Variants in ZDHHC15 observed in about 807,000 individuals in gnomAD.
ZDHHC15 encodes the protein palmitoyltransferase ZDHHC15.
ZDHHC15 carries 19 observed loss-of-function variants against 31.7 expected under a neutral mutation model. That is an observed-to-expected ratio of 0.60 (90% CI 0.42 to 0.88). The LOEUF (loss-of-function observed/expected upper bound fraction) is 0.88. ZDHHC15 is among the 40% of genes least tolerant of loss of function. The pLI, the probability that ZDHHC15 is intolerant of heterozygous loss-of-function variation, is 0.00. For missense variants in ZDHHC15, 209 were observed against 251.2 expected (o/e 0.83, Z 1.14); for synonymous variants, 103 against 90.0 (o/e 1.14, Z -0.82).
chrX:75,387,450 T>C (rs1311340627), intron 10 of ZDHHC15, among the ~76,000 whole-genome samples: 3 of 111,165 alleles, frequency 2.7e-5, no homozygotes, highest in Non-Finnish European at 5.7e-5. Flanking sequence ...CAGAAATTTA[T>C]CAGAAATAGT....
rs2083004740 is a variant in ZDHHC15 at position 75,371,387 on chromosome X, T to A, written c.*1591A>T. ...TCACTAGCCCTAATAAGTGTAGTCATGTCTAGTATTCTCTCAAATGTAATG... is the reference window on the plus strand; with the variant it reads ...TCACTAGCCCTAATAAGTGTAGTCAAGTCTAGTATTCTCTCAAATGTAATG... On this transcript the variant is annotated 3_prime_UTR_variant, in exon 12 of 12. Transcript: ENST00000373367. 8.9e-6 allele frequency: 1 copy of A among 111,868 alleles called. No individual in the cohort carries two copies. The highest frequency in any genetic ancestry group is 9.5e-5 in the Admixed American group (1 of 10,515). 9.2% of individuals were successfully genotyped at this position (111,868 alleles called of 1,213,427 possible).
intron 3 of ZDHHC15, among the ~76,000 whole-genome samples, chrX:75,473,172 G>A (rs927872360): frequency 4.5e-5 from 5 of 111,804 alleles, no homozygotes; most frequent in African/African-American, 1.3e-4. Context: ...CTATCATCCC[G>A]AAGCAGCTGG....
intron 3 of ZDHHC15, among the ~76,000 whole-genome samples, chrX:75,453,999 C>A (rs1353756266): frequency 2.7e-5 from 3 of 111,718 alleles, no homozygotes; most frequent in Non-Finnish European, 5.6e-5. Flanking sequence ...TGCCCTCTCT[C>A]ACCACTCCTA....
rs1181266434 is a variant in ZDHHC15 at position 75,474,609 on chromosome X, CAGTT to C, written c.258+4278_258+4281del. On this transcript the variant is annotated intron_variant, in intron 3 of 11. Coordinates refer to ENST00000373367, the MANE Select transcript of ZDHHC15 (RefSeq NM_144969.3). ...ACACACACACACACACACACACACA[CAGTT>C]AGTTCTGTCCGTCTAGAGAACCCTG... is the stretch of plus-strand genomic sequence containing the variant. Among the ~76,000 whole-genome samples the C allele has an allele frequency of 5.1e-4, 53 of 104,433 alleles. 1 individual carries two copies. Among genetic ancestry groups the C allele is most frequent in the African/African-American group, 1.7e-3 (49 of 28,892 alleles). 90.7% of individuals were successfully genotyped at this position (104,433 alleles called of 115,157 possible).
chrX:75,463,620 AG>A (rs2147942288), intron 3 of ZDHHC15, among the ~76,000 whole-genome samples: 1 of 111,172 alleles, frequency 9.0e-6, no homozygotes, highest in African/African-American at 3.3e-5. Flanking sequence ...ACCCATCAAA[AG>A]GTGGGCGAAG....
At chrX:75,474,573 T>TACACACAC (rs375925139) in intron 3 of ZDHHC15, among the ~76,000 whole-genome samples, 5,235 of 64,131 alleles carry the variant, frequency 0.082, 315 homozygotes, top group East Asian at 0.28. Flanking sequence ...ATCCCCTTTA[T>TACACACAC]ACACACACAC....
chrX:75,431,578 A>G (rs1270564287), intron 4 of ZDHHC15, 58 bp from the exon 5 acceptor site: 1 of 1,026,560 alleles, frequency 9.7e-7, no homozygotes, highest in Non-Finnish European at 1.3e-6. Context: ...AAGACCTTAT[A>G]TCTTACTAGC....
chrX:75,463,049 T>A (rs1165703334), intron 3 of ZDHHC15, among the ~76,000 whole-genome samples: 1 of 110,107 alleles, frequency 9.1e-6, no homozygotes, highest in Non-Finnish European at 1.9e-5. Flanking sequence ...GAGAGAAGAA[T>A]CAAATAAACA....
intron 10 of ZDHHC15, among the ~76,000 whole-genome samples, chrX:75,382,290 C>A (rs780472336): frequency 8.9e-6 from 1 of 112,159 alleles, no homozygotes; most frequent in Non-Finnish European, 1.9e-5. Flanking sequence ...CAGGAACACA[C>A]ACCAATTTAG....
intron 4 of ZDHHC15, among the ~76,000 whole-genome samples, chrX:75,444,646 A>G (rs1236264134): frequency 8.8e-4 from 2 of 2,277 alleles, no homozygotes; most frequent in African/African-American, 1.1e-3. Context: ...CACTGTATAT[A>G]TATATATATA....
intron 10 of ZDHHC15, among the ~76,000 whole-genome samples, chrX:75,388,695 C>G (rs1210541822): frequency 2.6e-4 from 29 of 111,283 alleles, no homozygotes; most frequent in African/African-American, 3.3e-5. Flanking sequence ...AACCAGAAAA[C>G]AAGCAAAAAA....
Position 75,385,608 on chromosome X carries a change from T to A in ZDHHC15, c.968-6410A>T, listed in dbSNP as rs185242916. ...TCTCTTATTTTAATGAGTTCCCATC[T>A]ATTCCCTTACTGCCCAAAATTTCTA... On this transcript the variant is annotated intron_variant, in intron 10 of 11. Transcript: ENST00000373367. 7.5e-4 allele frequency among the ~76,000 whole-genome samples: 84 copies of A among 111,711 alleles called. No homozygotes were observed. In the East Asian group the frequency reaches 0.016, roughly 22 times the overall value.
chrX:75,518,984 A>G (rs1466987843), intron 1 of ZDHHC15, among the ~76,000 whole-genome samples: 2 of 108,351 alleles, frequency 1.8e-5, no homozygotes, highest in Non-Finnish European at 3.8e-5. Context: ...TTTATATGGA[A>G]CATCCATAAT....
chrX:75,515,782 G>C (rs1289200044), intron 1 of ZDHHC15, among the ~76,000 whole-genome samples: 1 of 111,555 alleles, frequency 9.0e-6, no homozygotes, highest in Non-Finnish European at 1.9e-5. Flanking sequence ...TAGGAAAAAA[G>C]GAAGTCAAAT....
chrX:75,463,756 C>T (rs1405660493), intron 3 of ZDHHC15, among the ~76,000 whole-genome samples: 1 of 111,594 alleles, frequency 9.0e-6, no homozygotes, highest in Non-Finnish European at 1.9e-5. Flanking sequence ...CATCTCACAC[C>T]AGTTAGAATG....
chrX:75,455,120 C>T (rs1307357740), intron 3 of ZDHHC15, among the ~76,000 whole-genome samples: 2 of 111,806 alleles, frequency 1.8e-5, no homozygotes, highest in Admixed American at 9.6e-5. Context: ...TCAAACTATA[C>T]TACAAGGCTA....
At position 75,380,683 on chromosome X, in the gene ZDHHC15, G is replaced by A. The variant is rs146829781; in HGVS notation, c.968-1485C>T. 2.6e-3 allele frequency among the ~76,000 whole-genome samples: 288 copies of A among 110,951 alleles called. 1 individual carries two copies. The highest frequency in any genetic ancestry group is 8.8e-3 in the African/African-American group (270 of 30,522). On this transcript the variant is annotated intron_variant, in intron 10 of 11. Coordinates refer to ENST00000373367, the MANE Select transcript of ZDHHC15 (RefSeq NM_144969.3). The stretch of plus-strand genomic sequence containing the variant: ...GATACCTAAAAAAAATCAGGCTCTG[G>A]GTAATAGAAGACAAACACAGAATTT...
At chrX:75,442,969 G>C (rs1475173505) in intron 4 of ZDHHC15, among the ~76,000 whole-genome samples, 1 of 89,910 alleles carries the variant, frequency 1.1e-5, no homozygotes. Flanking sequence ...CTGGGCGACA[G>C]AGCGAGACTC....
At chrX:75,403,470 T>C (rs1472963607) in intron 10 of ZDHHC15, among the ~76,000 whole-genome samples, 2 of 111,879 alleles carry the variant, frequency 1.8e-5, no homozygotes, top group Non-Finnish European at 3.8e-5. Flanking sequence ...TGATTCTCTA[T>C]CTAGAAAACC....
Sources: gnomAD v4.1 joint callset for allele counts (sites outside exome capture counted in the v4.1 genomes callset) on GRCh38, gnomAD v4.1.1 for gene constraint, MANE v1.5 for transcripts, NCBI Gene and HGNC (gene_info 2026-07-23, HGNC 2026-07-21) for gene names.